The following OPCML variants were observed in gnomAD, a reference collection of about 807,000 sequenced individuals.
The protein encoded by OPCML is opioid-binding protein/cell adhesion molecule.
Under a neutral mutation model 37.8 loss-of-function variants are expected in OPCML, and 13 were observed. The ratio of observed to expected loss-of-function variants is 0.34; its 90% CI spans 0.22 to 0.55. The LOEUF is 0.55. Among genes scored for constraint, OPCML ranks in the 20% least tolerant of loss-of-function variants. The pLI is 0.91. For missense variants in OPCML, 341 were observed against 435.6 expected (o/e 0.78, Z 1.93); for synonymous variants, 176 against 168.8 (o/e 1.04, Z -0.33).
chr11:133,264,445 G>A (rs1018751377), intron 1 of OPCML, among the ~76,000 whole-genome samples: 1 of 152,174 alleles, frequency 6.6e-6, no homozygotes, highest in Non-Finnish European at 1.5e-5. Context: ...TTACAAGTGA[G>A]GCTAACTTGA....
intron 1 of OPCML, among the ~76,000 whole-genome samples, chr11:133,083,156 A>ACG (rs1948765304): frequency 6.6e-6 from 1 of 151,608 alleles, no homozygotes; most frequent in African/African-American, 2.4e-5. Flanking sequence ...ACACACACAC[A>ACG]CGCACACACC....
At chr11:132,983,565 G>A (rs1359893143) in intron 1 of OPCML, among the ~76,000 whole-genome samples, 2 of 151,846 alleles carry the variant, frequency 1.3e-5, no homozygotes, top group African/African-American at 4.8e-5. Context: ...CTTATTTACT[G>A]GGTAAGCTCC....
At chr11:132,938,565 C>T (rs1057429353) in intron 2 of OPCML, among the ~76,000 whole-genome samples, 3 of 152,174 alleles carry the variant, frequency 2.0e-5, no homozygotes, top group African/African-American at 4.8e-5. Context: ...GCTCACAGAA[C>T]AACCCATATA....
chr11:133,398,610 T>A (rs573482976), intron 1 of OPCML, among the ~76,000 whole-genome samples: 206 of 150,142 alleles, frequency 1.4e-3, no homozygotes, highest in Middle Eastern at 6.9e-3. Flanking sequence ...TATCTTTTTT[T>A]AAAAAAAAAA....
intron 2 of OPCML, among the ~76,000 whole-genome samples, chr11:132,789,479 T>C (rs1294062172): frequency 6.6e-6 from 1 of 152,106 alleles, no homozygotes; most frequent in East Asian, 1.9e-4. Flanking sequence ...AGAGAATCAG[T>C]CGAGTTCATT....
chr11:133,342,714 G>A (rs1943901489), intron 1 of OPCML, among the ~76,000 whole-genome samples: 1 of 152,172 alleles, frequency 6.6e-6, no homozygotes, highest in Non-Finnish European at 1.5e-5. Flanking sequence ...GAAGACTCAG[G>A]TGGAGTCTCC....
At chr11:132,744,931 G>C (rs868324784) in intron 2 of OPCML, among the ~76,000 whole-genome samples, 1 of 151,870 alleles carries the variant, frequency 6.6e-6, no homozygotes, top group Non-Finnish European at 1.5e-5. Flanking sequence ...GGATATGGCA[G>C]AGCAGGCAGC....
chr11:133,389,787 T>C (rs1047126968), intron 1 of OPCML, among the ~76,000 whole-genome samples: 1 of 152,166 alleles, frequency 6.6e-6, no homozygotes, highest in Non-Finnish European at 1.5e-5. Context: ...GCAGGGCCCA[T>C]CTCTCTGTTG....
intron 2 of OPCML, among the ~76,000 whole-genome samples, chr11:132,804,746 A>G (rs1938897032): frequency 6.6e-6 from 1 of 152,228 alleles, no homozygotes; most frequent in Non-Finnish European, 1.5e-5. Flanking sequence ...TTGGCTAGTT[A>G]GACCAGTGTG....
At chr11:132,957,786 C>A (rs1370443638) in intron 1 of OPCML, among the ~76,000 whole-genome samples, 2 of 152,096 alleles carry the variant, frequency 1.3e-5, no homozygotes, top group Non-Finnish European at 2.9e-5. Context: ...TGTTTTGGGG[C>A]AGCACGAGCT....
chr11:133,435,399 A>G (rs537555518), intron 1 of OPCML, among the ~76,000 whole-genome samples: 1 of 152,288 alleles, frequency 6.6e-6, no homozygotes, highest in Non-Finnish European at 1.5e-5. Context: ...ATTTGTTGAA[A>G]GAAGAAAAAA....
rs117360303 is a variant in OPCML at position 133,131,556 on chromosome 11, T to C, written c.62-188546A>G. ...GTGAAGCAACAGGAACTCTCAATCATTGCTGGTGGAAATGTAAAATGATGC... is the reference window on the plus strand; with the variant it reads ...GTGAAGCAACAGGAACTCTCAATCACTGCTGGTGGAAATGTAAAATGATGC... On this transcript the variant is annotated intron_variant, in intron 1 of 7. Transcript: ENST00000524381. 4.9e-3 allele frequency among the ~76,000 whole-genome samples: 744 copies of C among 152,294 alleles called. 2 individuals are homozygous for C. Among genetic ancestry groups the C allele is most frequent in the Non-Finnish European group, 8.7e-3 (593 of 68,010 alleles).
chr11:133,343,443 C>G (rs1287503494), intron 1 of OPCML, among the ~76,000 whole-genome samples: 1 of 152,126 alleles, frequency 6.6e-6, no homozygotes, highest in Non-Finnish European at 1.5e-5. Context: ...GCAACATGGC[C>G]TACTGAAACA....
At chr11:132,670,100 C>G (rs1228314363) in intron 2 of OPCML, among the ~76,000 whole-genome samples, 1 of 152,134 alleles carries the variant, frequency 6.6e-6, no homozygotes, top group East Asian at 1.9e-4. Flanking sequence ...AAAATGTTTC[C>G]CAAGCACACA....
intron 1 of OPCML, among the ~76,000 whole-genome samples, chr11:133,152,573 C>CT (rs1950002164): frequency 6.6e-6 from 1 of 151,858 alleles, no homozygotes. Context: ...CTCCTGATCC[C>CT]CCCCCAACCT....
intron 1 of OPCML, among the ~76,000 whole-genome samples, chr11:133,322,850 G>T (rs1943365080): frequency 6.6e-6 from 1 of 152,096 alleles, no homozygotes; most frequent in African/African-American, 2.4e-5. Context: ...AATTAGCATG[G>T]TGCCAGACAC....
At chr11:133,320,859 C>T (rs1353993936) in intron 1 of OPCML, among the ~76,000 whole-genome samples, 8 of 152,142 alleles carry the variant, frequency 5.3e-5, no homozygotes, top group Non-Finnish European at 1.5e-5. Context: ...TTTATGGGCC[C>T]GCAAGTCTGC....
chr11:132,633,312 C>A (rs1177879019), intron 3 of OPCML, among the ~76,000 whole-genome samples: 1 of 152,126 alleles, frequency 6.6e-6, no homozygotes, highest in Non-Finnish European at 1.5e-5. Flanking sequence ...AAGTGATTCT[C>A]CTGCCTCAGC....
intron 1 of OPCML, among the ~76,000 whole-genome samples, chr11:132,971,454 A>T (rs114845782): frequency 0.016 from 2,484 of 152,298 alleles, 78 homozygotes; most frequent in African/African-American, 0.057. Context: ...CTTTCTTTAT[A>T]TCATTCCAGC....
Sources: allele counts gnomAD v4.1 joint callset (sites outside exome capture counted in the v4.1 genomes callset), GRCh38; gene constraint gnomAD v4.1.1; transcripts MANE v1.5; gene names NCBI Gene and HGNC (gene_info 2026-07-23, HGNC 2026-07-21).